The following CNTN6 variants were observed in gnomAD, a reference collection of about 807,000 sequenced individuals.
The protein encoded by CNTN6 is contactin-6.
In CNTN6, 137 loss-of-function variants were observed where a neutral mutation model predicts 122.8. That is an observed-to-expected ratio of 1.12 (90% confidence interval 0.97 to 1.29). The LOEUF is 1.29. CNTN6 is among the 50% of genes most tolerant of loss of function. The pLI is 0.00. For synonymous variants in CNTN6, 570 were observed against 426.0 expected, an observed-to-expected ratio of 1.34 and a Z score of -4.16; for missense variants, 1,634 against 1,223.4, an observed-to-expected ratio of 1.34 and a Z score of -5.01.
At chr3:1,387,542 A>G (rs1693219689) in intron 20 of CNTN6, among the ~76,000 whole-genome samples, 1 of 152,232 alleles carries the variant, frequency 6.6e-6, no homozygotes, top group Non-Finnish European at 1.5e-5. Context: ...TGCCAAACTC[A>G]CAGAAACTCT....
chr3:1,141,116 G>C (rs1291215168), intron 1 of CNTN6, among the ~76,000 whole-genome samples: 1 of 152,164 alleles, frequency 6.6e-6, no homozygotes, highest in East Asian at 1.9e-4. Context: ...TTGGAAATCT[G>C]TTATAAAAAT....
chr3:1,192,762 C>G (rs757994066), intron 2 of CNTN6, among the ~76,000 whole-genome samples: 57 of 152,102 alleles, frequency 3.7e-4, no homozygotes, highest in Non-Finnish European at 8.1e-4. Flanking sequence ...GTACAGAAAG[C>G]CTTAAAACTG....
chr3:1,182,350 CA>C (rs924759681), intron 2 of CNTN6, among the ~76,000 whole-genome samples: 4 of 152,168 alleles, frequency 2.6e-5, no homozygotes, highest in African/African-American at 7.2e-5. Flanking sequence ...TGACTTTCCA[CA>C]GAGCCCTAGA....
Position 1,325,850 on chromosome 3 carries a change from C to T in CNTN6, c.982C>T (p.His328Tyr), listed in dbSNP as rs1284087285. 1.2e-6 allele frequency: 2 copies of T among 1,611,778 alleles called. No homozygotes were observed. The highest frequency in any genetic ancestry group is 2.2e-5 in the South Asian group (2 of 90,980). The change falls in exon 9 of 23, where the codon CAC becomes TAC. Residue 328 changes from histidine (H) to tyrosine (Y), a missense_variant. Physicochemically the swap from His to Tyr is moderately conservative, Grantham distance 83. Coordinates refer to ENST00000446702, the MANE Select transcript of CNTN6 (RefSeq NM_001289080.2). ...ATGGGAACAGAAAATCCAAAATACA[C>T]ACCTCTCTATCTATGACAACTTGCT... is the stretch of plus-strand genomic sequence containing the variant. ...PEWEQKIQNT[H>Y]LSIYDNLLWE...
rs147032843 is a variant in CNTN6, at chr3:1,110,527, G to A, written c.-83+17407G>A. ...CTAACCTTTGAACATTTCTAAAATA[G>A]TATCTTTCAAAGCTGGCAAATTTGG... is the stretch of plus-strand genomic sequence containing the variant. On this transcript the variant is annotated intron_variant, in intron 1 of 22. Coordinates refer to ENST00000446702, the MANE Select transcript of CNTN6 (RefSeq NM_001289080.2). Among the ~76,000 whole-genome samples the A allele has an allele frequency of 3.7e-3, 565 of 152,216 alleles. 4 individuals carry two copies. Among genetic ancestry groups the A allele is most frequent in the African/African-American group, 0.013 (540 of 41,550 alleles).
At chr3:1,324,743 C>T (rs973631348) in intron 8 of CNTN6, among the ~76,000 whole-genome samples, 9 of 149,458 alleles carry the variant, frequency 6.0e-5, no homozygotes, top group Non-Finnish European at 2.9e-5. Context: ...TTTCCTGATG[C>T]TTTTCCCTTG....
intron 11 of CNTN6, among the ~76,000 whole-genome samples, chr3:1,342,865 G>A (rs1034844674): frequency 5.9e-5 from 9 of 152,212 alleles, no homozygotes; most frequent in East Asian, 3.9e-4. Context: ...AGAGTTGACC[G>A]TTGGACAACG....
chr3:1,275,200 A>G (rs10510189), intron 4 of CNTN6, among the ~76,000 whole-genome samples: 8,577 of 152,020 alleles, frequency 0.056, 318 homozygotes, highest in South Asian at 0.1. Context: ...TTGATCATTG[A>G]TTTCAGCATA....
intron 11 of CNTN6, among the ~76,000 whole-genome samples, chr3:1,339,064 CT>C (rs58744002): frequency 3.0e-4 from 45 of 148,872 alleles, no homozygotes; most frequent in Middle Eastern, 3.5e-3. Context: ...TCAGAGCACT[CT>C]TTTTTTTTTA....
At chr3:1,357,068 C>T (rs987696226) in intron 12 of CNTN6, among the ~76,000 whole-genome samples, 1 of 151,740 alleles carries the variant, frequency 6.6e-6, no homozygotes, top group African/African-American at 2.4e-5. Context: ...CCACATATGA[C>T]ATATAGCTGT....
At chr3:1,255,397 A>G (rs1301442457) in intron 4 of CNTN6, among the ~76,000 whole-genome samples, 2 of 149,200 alleles carry the variant, frequency 1.3e-5, no homozygotes, top group Non-Finnish European at 3.0e-5. Context: ...GGAAGGGGCT[A>G]CGTAAGACAT....
chr3:1,344,584 G>GAT (rs1343332112), intron 11 of CNTN6, among the ~76,000 whole-genome samples: 1 of 152,150 alleles, frequency 6.6e-6, no homozygotes, highest in Non-Finnish European at 1.5e-5. Flanking sequence ...ACCTCTGCTA[G>GAT]ATACGAGGAG....
intron 2 of CNTN6, among the ~76,000 whole-genome samples, chr3:1,169,427 C>T (rs2093320377): frequency 6.6e-6 from 1 of 152,148 alleles, no homozygotes; most frequent in Non-Finnish European, 1.5e-5. Context: ...ATCCTCAATG[C>T]TTGTGAGATG....
chr3:1,095,919 A>G (rs1189888688), intron 1 of CNTN6, among the ~76,000 whole-genome samples: 1 of 152,116 alleles, frequency 6.6e-6, no homozygotes, highest in Non-Finnish European at 1.5e-5. Flanking sequence ...TTACTACCCA[A>G]TTCACCATTT....
At chr3:1,279,258 G>A (rs1692950151) in intron 5 of CNTN6, among the ~76,000 whole-genome samples, 1 of 152,192 alleles carries the variant, frequency 6.6e-6, no homozygotes, top group South Asian at 2.1e-4. Context: ...ATCCTCTTGG[G>A]AATGGATTTT....
chr3:1,373,729 C>A lies in CNTN6; in HGVS notation c.1912C>A (p.Pro638Thr). Residue 638 changes from proline (P) to threonine (T), a missense_variant, in exon 15 of 23, where the codon CCA (proline) becomes ACA (threonine). By Grantham distance (38) the Pro-to-Thr change is conservative. Coordinates refer to ENST00000446702, the MANE Select transcript of CNTN6 (RefSeq NM_001289080.2). Reference protein sequence around the residue: ...IQIFTIQTRTPFSVGWQAVAT... With the variant: ...IQIFTIQTRTTFSVGWQAVAT... ...AATATTTACTATTCAGACTCGGACA[C>A]CATTTTCTGTGGGTTGGCAGGCTGT... is the stretch of plus-strand genomic sequence containing the variant. The A allele has an allele frequency of 6.2e-7, 1 of 1,609,394 alleles. No homozygotes were observed. The highest frequency in any genetic ancestry group is 1.1e-5 in the South Asian group (1 of 90,168).
intron 11 of CNTN6, among the ~76,000 whole-genome samples, chr3:1,332,895 G>A (rs1193136083): frequency 6.6e-6 from 1 of 151,904 alleles, no homozygotes; most frequent in Non-Finnish European, 1.5e-5. Context: ...AAAGAGTATT[G>A]ACAGAACAGA....
At chr3:1,299,402 A>G (rs1185131757) in intron 7 of CNTN6, among the ~76,000 whole-genome samples, 2 of 152,174 alleles carry the variant, frequency 1.3e-5, no homozygotes, top group Admixed American at 6.5e-5. Context: ...TTATTTAATC[A>G]TATTTGGCAT....
At chr3:1,203,882 G>A (rs1290078414) in intron 2 of CNTN6, among the ~76,000 whole-genome samples, 1 of 152,140 alleles carries the variant, frequency 6.6e-6, no homozygotes, top group Non-Finnish European at 1.5e-5. Context: ...GTATAGATAT[G>A]TTTCGATACA....
Sources: allele counts gnomAD v4.1 joint callset (sites outside exome capture counted in the v4.1 genomes callset), GRCh38; gene constraint gnomAD v4.1.1; transcripts MANE v1.5; gene names NCBI Gene and HGNC (gene_info 2026-07-23, HGNC 2026-07-21).